The following NXPE2 variants were observed in gnomAD, a reference collection of about 807,000 sequenced individuals.
The protein encoded by NXPE2 is neurexophilin and PC-esterase domain family member 2.
In NXPE2, 34 loss-of-function variants were observed where a neutral mutation model predicts 34.4. The observed-to-expected ratio is 0.99, with a 90% confidence interval of 0.75 to 1.31. The LOEUF is 1.31. Among genes scored for constraint, NXPE2 ranks in the 40% most tolerant of loss-of-function variants. NXPE2 has a pLI of 0.00. For synonymous variants in NXPE2, 235 were observed against 231.3 expected (o/e 1.02, Z -0.15); for missense variants, 649 against 672.5 (o/e 0.97, Z 0.39).
the NXPE2 span, among the ~76,000 whole-genome samples, chr11:114,805,913 AC>A: frequency 1.3e-5 from 2 of 151,978 alleles, no homozygotes; most frequent in Non-Finnish European, 2.9e-5. Context: ...TGGGTCCCTG[AC>A]CCCCGAGTAG....
the NXPE2 span, among the ~76,000 whole-genome samples, chr11:114,573,276 C>A: frequency 6.6e-5 from 10 of 152,004 alleles, no homozygotes; most frequent in Admixed American, 5.9e-4. Flanking sequence ...TCTCAAAGGA[C>A]CTACATGAAA....
chr11:114,734,967 G>A, the NXPE2 span, among the ~76,000 whole-genome samples: 271 of 152,250 alleles, frequency 1.8e-3, no homozygotes, highest in Admixed American at 3.1e-3. Context: ...AAAATTAGCC[G>A]GGCATGGTGG....
At chr11:114,594,512 G>A in the NXPE2 span, 3 of 618,440 alleles carry the variant, frequency 4.9e-6, no homozygotes, top group Admixed American at 3.3e-5. Flanking sequence ...CTCACATATT[G>A]CTTAATGATT....
the NXPE2 span, among the ~76,000 whole-genome samples, chr11:114,509,006 C>A: frequency 2.0e-5 from 3 of 152,230 alleles, no homozygotes; most frequent in South Asian, 4.2e-4. Flanking sequence ...GCAAACGATG[C>A]GTCTGACAAA....
the NXPE2 span, chr11:114,571,177 G>A: frequency 6.2e-7 from 1 of 1,613,888 alleles, no homozygotes; most frequent in Non-Finnish European, 8.5e-7. Flanking sequence ...ATAGTGTCTG[G>A]GCTTCTCAGA....
At chr11:114,712,591 G>T in the NXPE2 span, among the ~76,000 whole-genome samples, 1 of 152,142 alleles carries the variant, frequency 6.6e-6, no homozygotes, top group African/African-American at 2.4e-5. Context: ...CATCAGGATG[G>T]CCGCTATCAA....
the NXPE2 span, among the ~76,000 whole-genome samples, chr11:114,749,815 C>T: frequency 3.3e-5 from 5 of 152,200 alleles, no homozygotes; most frequent in East Asian, 1.9e-4. Context: ...TGAAACTCAC[C>T]GTAAACCTCC....
the NXPE2 span, chr11:114,529,921 A>C: frequency 2.3e-6 from 1 of 435,616 alleles, no homozygotes; most frequent in Non-Finnish European, 4.0e-6. Flanking sequence ...TTATCAAGGA[A>C]TCTTTTTTTC....
the NXPE2 span, among the ~76,000 whole-genome samples, chr11:114,725,976 A>AAAAAAAATATATATATAT: frequency 2.0e-5 from 2 of 101,750 alleles, no homozygotes; most frequent in African/African-American, 6.7e-5. Flanking sequence ...ATAAAAAAAA[A>AAAAAAAATATATATATAT]ATATATATAT....
chr11:114,556,915 C>T, the NXPE2 span, among the ~76,000 whole-genome samples: 15 of 146,240 alleles, frequency 1.0e-4, no homozygotes, highest in South Asian at 3.2e-3. Flanking sequence ...TTTTTTGAGA[C>T]AGAGTCTCAC....
the NXPE2 span, among the ~76,000 whole-genome samples, chr11:114,643,211 G>C: frequency 6.6e-6 from 1 of 152,062 alleles, no homozygotes; most frequent in African/African-American, 2.4e-5. Flanking sequence ...TAGGTTTCCT[G>C]TTCATTCTGA....
the NXPE2 span, among the ~76,000 whole-genome samples, chr11:114,465,875 A>G: frequency 1.3e-5 from 2 of 152,210 alleles, no homozygotes; most frequent in Admixed American, 1.3e-4. Context: ...CGCATAGAAC[A>G]TACTCAATAA....
downstream of NXPE2, among the ~76,000 whole-genome samples, chr11:114,709,857 A>G (rs1859577617): frequency 6.6e-6 from 1 of 151,940 alleles, no homozygotes; most frequent in Admixed American, 6.6e-5. Context: ...AGCCAAGATC[A>G]TGCCATTTCA....
At chr11:114,744,433 C>CATGCTATTCTG in the NXPE2 span, among the ~76,000 whole-genome samples, 3 of 152,046 alleles carry the variant, frequency 2.0e-5, no homozygotes, top group African/African-American at 7.3e-5. Flanking sequence ...ACAAACATGA[C>CATGCTATTCTG]ATTTATTGTT....
At chr11:114,640,547 G>A in the NXPE2 span, among the ~76,000 whole-genome samples, 1 of 151,720 alleles carries the variant, frequency 6.6e-6, no homozygotes, top group Non-Finnish European at 1.5e-5. Context: ...TTTACACAGA[G>A]GTTGTACTAA....
At chr11:114,707,393 G>A (rs1951497005), downstream of NXPE2, 3 of 416,592 alleles carry the variant, frequency 7.2e-6, no homozygotes, top group Non-Finnish European at 1.4e-5. Context: ...ACCATGCCCG[G>A]CATTATTTTA....
the NXPE2 span, among the ~76,000 whole-genome samples, chr11:114,741,567 C>T: frequency 6.6e-6 from 1 of 152,052 alleles, no homozygotes; most frequent in Non-Finnish European, 1.5e-5. Flanking sequence ...TTCACAGATT[C>T]TTTCTTTTGC....
chr11:114,591,249 A>G, the NXPE2 span, among the ~76,000 whole-genome samples: 5 of 152,206 alleles, frequency 3.3e-5, no homozygotes, highest in Admixed American at 2.6e-4. Context: ...TAAGCAAGGG[A>G]AAGGTAGCTA....
At chr11:114,689,801 A>G (rs1244711606) in intron 2 of NXPE2, among the ~76,000 whole-genome samples, 1 of 152,110 alleles carries the variant, frequency 6.6e-6, no homozygotes, top group Non-Finnish European at 1.5e-5. Flanking sequence ...TATATTTAGG[A>G]TAGTTACATC....
Sources: gnomAD v4.1 joint callset for allele counts (sites outside exome capture counted in the v4.1 genomes callset) on GRCh38, gnomAD v4.1.1 for gene constraint, MANE v1.5 for transcripts, NCBI Gene and HGNC (gene_info 2026-07-23, HGNC 2026-07-21) for gene names.